Variants in ZNF195 observed in about 807,000 individuals in gnomAD.
The protein encoded by ZNF195 is hypoxia-regulated factor-1.
In ZNF195, 11 loss-of-function variants were observed where a neutral mutation model predicts 19.5. That is an observed-to-expected ratio of 0.57 (90% CI 0.36 to 0.94). The LOEUF (loss-of-function observed/expected upper bound fraction) is 0.94. Among genes scored for constraint, ZNF195 ranks in the 40% least tolerant of loss-of-function variants. ZNF195 has a pLI of 0.01. For missense variants in ZNF195, 582 were observed against 709.0 expected, an observed-to-expected ratio of 0.82 and a Z score of 2.03; for synonymous variants, 214 against 248.1, an observed-to-expected ratio of 0.86 and a Z score of 1.29.
At chr11:3,370,928 C>T (rs1849172324) in intron 3 of ZNF195, 47 bp downstream of exon 3, 1 of 1,602,226 alleles carries the variant, frequency 6.2e-7, no homozygotes, top group South Asian at 1.1e-5. Context: ...CCTCCTCGAC[C>T]TCTGGACCTC....
At chr11:3,369,581 T>C in intron 3 of ZNF195, 1 of 427,848 alleles carries the variant, frequency 2.3e-6, no homozygotes, top group Non-Finnish European at 4.8e-6. Flanking sequence ...AATCCTGTCA[T>C]TCAACCACGT....
At chr11:3,367,828 T>C (rs1202340324) in intron 3 of ZNF195, among the ~76,000 whole-genome samples, 1 of 152,134 alleles carries the variant, frequency 6.6e-6, no homozygotes, top group East Asian at 1.9e-4. Flanking sequence ...TCCTGACACT[T>C]TGGGAGGCCA....
intron 1 of ZNF195, chr11:3,373,646 AC>A: frequency 6.5e-7 from 1 of 1,548,176 alleles, no homozygotes; most frequent in Non-Finnish European, 8.7e-7. Flanking sequence ...GATTCTCTGG[AC>A]AAATCACACC....
Position 3,359,083 on chromosome 11 carries a change from G to A in ZNF195, c.*35C>T, listed in dbSNP as rs369261399. On this transcript the variant is annotated 3_prime_UTR_variant, in exon 6 of 6. Coordinates refer to ENST00000399602, the MANE Select transcript of ZNF195 (RefSeq NM_001130520.3). This position sits in a 1 kb window ranked among gnomAD's most constrained non-coding sequence, Gnocchi z 5.5. ...AAGTGGGATGCGAGCAGATACTAAC[G>A]GCTTTGCCTATTTTTATATTTGTTT... 123 of 1,510,422 alleles carry A rather than the reference G, an allele frequency of 8.1e-5. No homozygotes were observed. Among genetic ancestry groups the A allele is most frequent in the Non-Finnish European group, 9.5e-5 (108 of 1,132,038 alleles). The allele number at this position is 1,510,422 out of a possible 1,614,324, so 93.6% of individuals were successfully genotyped here. A position where few individuals can be genotyped will look rare whatever the true frequency, so the allele number is the denominator to read the frequency against.
Position 3,371,026 on chromosome 11 carries a change from G to T in ZNF195, c.175C>A (p.Arg59=), listed in dbSNP as rs550106470. ...CTCTTCACATTCCAGGGCTCTTTTCGTTGCTCCAGGCAGGTGATCAGGCCT... is the reference window on the plus strand; with the variant it reads ...CTCTTCACATTCCAGGGCTCTTTTCTTTGCTCCAGGCAGGTGATCAGGCCT... ...KPGLITCLEQ[R]KEPWNVKRQE... is the part of the protein sequence containing the mutation. The change falls in exon 3 of 6, where the codon CGA becomes AGA. Residue 59 remains arginine, a synonymous_variant. Transcript: ENST00000399602. The T allele has an allele frequency of 6.2e-6, 10 of 1,613,916 alleles. No homozygotes were observed. Among genetic ancestry groups the T allele is most frequent in the Middle Eastern group, 1.6e-4 (1 of 6,062 alleles).
At chr11:3,369,930 T>C (rs944416220) in intron 3 of ZNF195, among the ~76,000 whole-genome samples, 4 of 152,360 alleles carry the variant, frequency 2.6e-5, no homozygotes, top group African/African-American at 7.2e-5. Context: ...CTTGAAGTGA[T>C]TGCACTAATT....
chr11:3,377,718 A>G, intron 1 of ZNF195: 1 of 1,110,446 alleles, frequency 9.0e-7, no homozygotes, highest in Non-Finnish European at 1.1e-6. Flanking sequence ...CCTCTGAGAA[A>G]TAACCCAGGG....
intron 3 of ZNF195, among the ~76,000 whole-genome samples, chr11:3,369,664 C>A (rs1224054295): frequency 6.6e-6 from 1 of 152,204 alleles, no homozygotes; most frequent in Admixed American, 6.5e-5. Context: ...CGTTCCCCCT[C>A]AGACGTGGAA....
chr11:3,360,860 G>A, intron 4 of ZNF195, 72 bp from the exon 5 acceptor site: 2 of 1,340,922 alleles, frequency 1.5e-6, no homozygotes, highest in Non-Finnish European at 1.0e-6. Context: ...CCGCAGTATA[G>A]CATCATGCCT....
chr11:3,358,025 C>G lies in ZNF195; in HGVS notation c.*1093G>C, dbSNP rs1320868807. On this transcript the variant is annotated 3_prime_UTR_variant, in exon 6 of 6. Transcript: ENST00000399602. ...ATAGCAGGTTTTTATAGGGCCAGAA[C>G]TAGGTCGGGGTGCGGGAGCTGAGTT... 6.6e-6 allele frequency: 1 copy of G among 150,908 alleles called. No individual in the cohort carries two copies. Among genetic ancestry groups the G allele is most frequent in the Non-Finnish European group, 1.5e-5 (1 of 67,972 alleles). 9.3% of individuals were successfully genotyped at this position (150,908 alleles called of 1,614,324 possible).
rs553452481 is a variant in ZNF195 at position 3,377,695 on chromosome 11, T to C, written c.3+1343A>G. On this transcript the variant is annotated intron_variant, in intron 1 of 5. Coordinates refer to ENST00000399602, the MANE Select transcript of ZNF195 (RefSeq NM_001130520.3). ...TGCTCCCTGGAGAGGCCACACTTCA[T>C]ACCTCAGGCTGTCCTCTGAGAAATA... 41 of 1,164,144 alleles carry C rather than the reference T, an allele frequency of 3.5e-5. 2 individuals are homozygous for C. In the South Asian group the frequency reaches 7.0e-4, roughly 20 times the overall value. 72.1% of individuals were successfully genotyped at this position (1,164,144 alleles called of 1,614,324 possible). A position where few individuals can be genotyped will look rare whatever the true frequency, so the allele number is the denominator to read the frequency against.
At position 3,360,756 on chromosome 11, in the gene ZNF195, TCA is replaced by T. The variant is rs758938316; in HGVS notation, c.404_405del (p.Val135GlufsTer46). ...ATGCATCTGAACTCTAAAAACCATTTCACAGTTTGCAGCACCCCAGGTGAGCA... is the reference window on the plus strand; with the variant it reads ...ATGCATCTGAACTCTAAAAACCATTTCAGTTTGCAGCACCCCAGGTGAGCA... ...ALCSPGVLQT[V>X]KWFLEFRCIF... On this transcript the variant is annotated frameshift_variant, in exon 5 of 6. Transcript: ENST00000399602. LOFTEE classifies it low-confidence loss of function (END_TRUNC). The T allele has an allele frequency of 5.2e-6, 8 of 1,551,386 alleles. No homozygotes were observed. In the South Asian group the frequency reaches 8.3e-5, roughly 16 times the overall value.
intron 1 of ZNF195, among the ~76,000 whole-genome samples, chr11:3,372,688 C>CAAAT (rs748955128): frequency 3.0e-5 from 3 of 101,648 alleles, no homozygotes; most frequent in Admixed American, 1.1e-4. Context: ...TATGTTCTGA[C>CAAAT]AAATATCTCC....
chr11:3,375,236 T>G (rs1418195467), intron 1 of ZNF195, among the ~76,000 whole-genome samples: 3 of 152,154 alleles, frequency 2.0e-5, no homozygotes, highest in Non-Finnish European at 4.4e-5. Flanking sequence ...ACTAGAGTAT[T>G]TACAATTCTG....
Position 3,358,210 on chromosome 11 carries a change from T to C in ZNF195, c.*908A>G, listed in dbSNP as rs1378355660. On this transcript the variant is annotated 3_prime_UTR_variant, in exon 6 of 6. Coordinates refer to ENST00000399602, the MANE Select transcript of ZNF195 (RefSeq NM_001130520.3). ...TCTGCACAGTTACTGGAGGGATCAG[T>C]GAAGGGGGGTTTGTTTTTTGCCCTG... 2 of 151,676 alleles carry C rather than the reference T, an allele frequency of 1.3e-5. No individual in the cohort carries two copies. The highest frequency in any genetic ancestry group is 2.4e-5 in the African/African-American group (1 of 41,190). The allele number at this position is 151,676 out of a possible 1,614,324, so 9.4% of individuals were successfully genotyped here.
At chr11:3,377,684 G>C (rs1228211010) in intron 1 of ZNF195, 4 of 1,214,008 alleles carry the variant, frequency 3.3e-6, no homozygotes, top group Admixed American at 2.9e-5. Flanking sequence ...CCCTGGAGAG[G>C]CCACACTTCA....
intron 1 of ZNF195, 131 bp downstream of exon 1, chr11:3,378,907 G>A (rs536006237): frequency 8.7e-7 from 1 of 1,153,940 alleles, no homozygotes; most frequent in Non-Finnish European, 1.1e-6. Context: ...CGGCCGCCAT[G>A]GTGCAGCTGG....
chr11:3,369,316 T>TG (rs544387921), intron 3 of ZNF195: 105 of 236,412 alleles, frequency 4.4e-4, no homozygotes, highest in African/African-American at 2.1e-3. Context: ...AAAACCAGGG[T>TG]GGGGGGGCGT....
In ZNF195 at chr11:3,373,440, T is replaced by C. The variant is rs1014379673; in HGVS notation, c.4-1737A>G. 11 of 711,296 alleles carry C rather than the reference T, an allele frequency of 1.5e-5. No individual in the cohort carries two copies. The Admixed American group carries it at 1.7e-4, about 11-fold the overall frequency. 44.1% of individuals were successfully genotyped at this position (711,296 alleles called of 1,614,324 possible). ...AATATTTTCAGAGACCCTTCATTAT[T>C]ATAAGAAAAAAAAGTAGTTGAAACA... On this transcript the variant is annotated intron_variant, in intron 1 of 5. Coordinates refer to ENST00000399602, the MANE Select transcript of ZNF195 (RefSeq NM_001130520.3).
Sources: allele counts gnomAD v4.1 joint callset (sites outside exome capture counted in the v4.1 genomes callset), GRCh38; gene constraint gnomAD v4.1.1; non-coding constraint Gnocchi (gnomAD v3.1); transcripts MANE v1.5; gene names NCBI Gene and HGNC (gene_info 2026-07-23, HGNC 2026-07-21).